GSE1: variants seen among roughly 807,000 people sequenced by gnomAD.
The protein encoded by GSE1 is Gse1 coiled-coil protein.
Under a neutral mutation model 112.6 loss-of-function variants are expected in GSE1, and 32 were observed. That is an observed-to-expected ratio of 0.28 (90% CI 0.21 to 0.38). The LOEUF (loss-of-function observed/expected upper bound fraction) is 0.38, where lower values mean the gene tolerates loss of function less well. Ranked by LOEUF, GSE1 falls within the 10% of genes least tolerant of loss-of-function variation. The pLI is 1.00. For synonymous variants in GSE1, 1,115 were observed against 735.6 expected (o/e 1.52, Z -8.35); for missense variants, 2,348 against 1,699.2 (o/e 1.38, Z -6.71).
intron 2 of GSE1, among the ~76,000 whole-genome samples, chr16:85,385,950 C>T (rs2047679252): frequency 1.3e-5 from 2 of 152,192 alleles, no homozygotes. Context: ...CTGGCTCAAG[C>T]CCCATTGGGG....
At position 85,523,455 on chromosome 16, in the gene GSE1, C is replaced by T. The variant is rs76722354; in HGVS notation, c.2465-110459C>T. Among the ~76,000 whole-genome samples the T allele has an allele frequency of 5.0e-3, 758 of 152,320 alleles. 5 individuals carry two copies. The highest frequency in any genetic ancestry group is 0.01 in the Middle Eastern group (3 of 294). ...CATTGCCATCTGGCTGATGGAACAG[C>T]GTCCTGGTTGGGAGGAGTTGGCCAC... is the stretch of plus-strand genomic sequence containing the variant. On this transcript the variant is annotated intron_variant, in intron 2 of 2. Coordinates refer to the GSE1 transcript ENST00000637419.
intron 2 of GSE1, among the ~76,000 whole-genome samples, chr16:85,404,923 G>GC (rs1163533221): frequency 4.3e-4 from 12 of 28,002 alleles, no homozygotes; most frequent in East Asian, 2.7e-3. Context: ...TTACTCTCAG[G>GC]CCCCCCTGGA....
At chr16:85,544,177 A>G (rs1195759749) in intron 2 of GSE1, among the ~76,000 whole-genome samples, 2 of 151,892 alleles carry the variant, frequency 1.3e-5, no homozygotes, top group Admixed American at 6.6e-5. Flanking sequence ...TTCTATTGAC[A>G]TCTCGTGGGT....
chr16:85,665,216 A>G (rs1260654900), intron 12 of GSE1, 88 bp downstream of exon 12: 6 of 722,694 alleles, frequency 8.3e-6, no homozygotes, highest in Admixed American at 2.2e-5. Flanking sequence ...GGTCTTCATC[A>G]TTGTGAATGT....
chr16:85,192,204 A>C (rs953481865), intron 1 of GSE1, among the ~76,000 whole-genome samples: 4 of 152,224 alleles, frequency 2.6e-5, no homozygotes, highest in African/African-American at 9.6e-5. Context: ...CACCCAGGAC[A>C]TCATGAATGT....
intron 1 of GSE1, among the ~76,000 whole-genome samples, chr16:85,228,982 A>G (rs1307050235): frequency 1.3e-5 from 2 of 152,180 alleles, no homozygotes; most frequent in Non-Finnish European, 2.9e-5. Context: ...CCAGGAGGGA[A>G]CAACTGTTCC....
At chr16:85,474,548 G>C (rs2050393795) in intron 2 of GSE1, among the ~76,000 whole-genome samples, 2 of 152,234 alleles carry the variant, frequency 1.3e-5, no homozygotes, top group Middle Eastern at 3.4e-3. Context: ...CTGATGACCT[G>C]ACCCAGCCTT....
intron 1 of GSE1, among the ~76,000 whole-genome samples, chr16:85,251,069 G>A (rs906894868): frequency 6.6e-6 from 1 of 152,228 alleles, no homozygotes; most frequent in African/African-American, 2.4e-5. Context: ...TCCGTGGATG[G>A]ATGTTTGGGC....
chr16:85,232,710 A>G (rs1904300318), intron 1 of GSE1, among the ~76,000 whole-genome samples: 1 of 152,220 alleles, frequency 6.6e-6, no homozygotes, highest in Non-Finnish European at 1.5e-5. Context: ...CTGCCACTGT[A>G]TGTGGCTCTT....
At chr16:85,552,082 G>A (rs987705700), upstream of GSE1, among the ~76,000 whole-genome samples, 2 of 151,872 alleles carry the variant, frequency 1.3e-5, no homozygotes, top group African/African-American at 4.8e-5. Flanking sequence ...CTGGAGTGCA[G>A]TGGTGCGATC....
chr16:85,651,262 T>TG (rs1329493429), intron 3 of GSE1, among the ~76,000 whole-genome samples: 2 of 151,758 alleles, frequency 1.3e-5, no homozygotes, highest in African/African-American at 2.4e-5. Flanking sequence ...CTTGCCTGGA[T>TG]GGGGGGCAGC....
At chr16:85,544,612 G>A (rs1029081776) in intron 2 of GSE1, among the ~76,000 whole-genome samples, 1 of 152,214 alleles carries the variant, frequency 6.6e-6, no homozygotes, top group Non-Finnish European at 1.5e-5. Flanking sequence ...GGATGAAGCC[G>A]CTCATAGAAA....
intron 1 of GSE1, among the ~76,000 whole-genome samples, chr16:85,252,434 C>G (rs1449833694): frequency 6.6e-6 from 1 of 151,722 alleles, no homozygotes; most frequent in Admixed American, 6.6e-5. Flanking sequence ...GCCCTAGACA[C>G]TTTCTGGTTT....
chr16:85,230,833 A>AGATG (rs201465688), intron 1 of GSE1, among the ~76,000 whole-genome samples: 42,006 of 150,090 alleles, frequency 0.28, 6,175 homozygotes, highest in Admixed American at 0.37. Flanking sequence ...GTGGAAGACT[A>AGATG]GATGGATGGA....
intron 1 of GSE1, among the ~76,000 whole-genome samples, chr16:85,236,558 G>A (rs1247450970): frequency 1.3e-5 from 2 of 152,166 alleles, no homozygotes; most frequent in African/African-American, 2.4e-5. Flanking sequence ...CTCATGGTGT[G>A]GAGAGAGAAC....
At chr16:85,395,946 C>T (rs1716403227) in intron 2 of GSE1, among the ~76,000 whole-genome samples, 1 of 152,332 alleles carries the variant, frequency 6.6e-6, no homozygotes, top group Non-Finnish European at 1.5e-5. Context: ...GCCTGCAGAG[C>T]CCACAGCCCT....
Position 85,668,395 on chromosome 16 carries a change from T to C in GSE1, c.3386T>C (p.Val1129Ala), listed in dbSNP as rs1318983156. Reference sequence around the variant, plus strand: ...CGCAAGTGGCAAGGGATCGAGGCCGTTTTTGAAGCTTACCAGGAACACATA... The same window carrying C: ...CGCAAGTGGCAAGGGATCGAGGCCGCTTTTGAAGCTTACCAGGAACACATA... ...PKRKWQGIEA[V>A]FEAYQEHIEE... The change falls in exon 14 of 16, where the codon GTT becomes GCT. Residue 1129 changes from valine to alanine, a missense_variant. Transcript: ENST00000253458. 1.2e-6 allele frequency: 2 copies of C among 1,610,042 alleles called. No homozygotes were observed. The highest frequency in any genetic ancestry group is 1.7e-5 in the Admixed American group (1 of 59,930).
At chr16:85,240,428 G>A (rs894857959) in intron 1 of GSE1, among the ~76,000 whole-genome samples, 22 of 152,212 alleles carry the variant, frequency 1.4e-4, no homozygotes. Context: ...TCAGCATCCG[G>A]CACTTCCGAC....
intron 1 of GSE1, among the ~76,000 whole-genome samples, chr16:85,181,985 C>T (rs1482780629): frequency 6.6e-6 from 1 of 152,220 alleles, no homozygotes; most frequent in Non-Finnish European, 1.5e-5. Context: ...GTACACTGTT[C>T]TTTCTCTTGT....
Sources: gnomAD v4.1 joint callset for allele counts (sites outside exome capture counted in the v4.1 genomes callset) on GRCh38, gnomAD v4.1.1 for gene constraint, MANE v1.5 for transcripts, NCBI Gene and HGNC (gene_info 2026-07-23, HGNC 2026-07-21) for gene names.